Variants in PCDH15 observed in about 807,000 individuals in gnomAD.
PCDH15 encodes protocadherin-15.
In PCDH15, 129 loss-of-function variants were observed where a neutral mutation model predicts 178.5. The observed-to-expected ratio is 0.72, with a 90% CI of 0.63 to 0.84. PCDH15 has a LOEUF of 0.84. PCDH15 is among the 40% of genes least tolerant of loss of function. The pLI is 0.00. For synonymous variants in PCDH15, 800 were observed against 732.0 expected (o/e 1.09, Z -1.50); for missense variants, 2,230 against 2,099.9 (o/e 1.06, Z -1.21).
intron 1 of PCDH15, among the ~76,000 whole-genome samples, chr10:54,752,069 T>C (rs1327894358): frequency 6.6e-6 from 1 of 152,224 alleles, no homozygotes; most frequent in Non-Finnish European, 1.5e-5. Context: ...TTAAAGGATA[T>C]TTATAGTACT....
At chr10:55,450,141 T>G (rs1839401996) in intron 2 of PCDH15, among the ~76,000 whole-genome samples, 1 of 152,150 alleles carries the variant, frequency 6.6e-6, no homozygotes, top group South Asian at 2.1e-4. Flanking sequence ...AGGTAATGAC[T>G]TCTAATGTAA....
chr10:55,092,330 T>G (rs1463912679), intron 2 of PCDH15, among the ~76,000 whole-genome samples: 4 of 151,864 alleles, frequency 2.6e-5, no homozygotes, highest in African/African-American at 9.7e-5. Context: ...AGGTTCTATA[T>G]GAACTCTGTA....
At chr10:55,554,557 T>G (rs1270615918) in intron 2 of PCDH15, among the ~76,000 whole-genome samples, 1 of 152,010 alleles carries the variant, frequency 6.6e-6, no homozygotes, top group Non-Finnish European at 1.5e-5. Context: ...ATGAAGACAT[T>G]TTTTAATCAA....
rs576989168 is a variant in PCDH15 at position 54,779,455 on chromosome 10, T to C, written c.-29+21470A>G. Among the ~76,000 whole-genome samples the C allele has an allele frequency of 1.0e-3, 108 of 106,488 alleles. 2 individuals carry two copies. Among genetic ancestry groups the C allele is most frequent in the African/African-American group, 1.8e-3 (56 of 31,316 alleles). 69.9% of individuals were successfully genotyped at this position (106,488 alleles called of 152,430 possible). A position where few individuals can be genotyped will look rare whatever the true frequency, so the allele number is the denominator to read the frequency against. Reference sequence around the variant, plus strand: ...ATATGTGTATATATATATACACTCATATATGTGTGTATATATATACACACA... The same window carrying C: ...ATATGTGTATATATATATACACTCACATATGTGTGTATATATATACACACA... On this transcript the variant is annotated intron_variant, in intron 1 of 37. Coordinates refer to ENST00000644397, the MANE Select transcript of PCDH15 (RefSeq NM_001384140.1).
In PCDH15 at chr10:53,819,436, A is replaced by G. The variant is rs538479768; in HGVS notation, c.4433+729T>C. Among the ~76,000 whole-genome samples, 79 of 152,148 alleles carry G rather than the reference A, an allele frequency of 5.2e-4. 1 individual carries two copies. In the South Asian group the frequency reaches 0.016, roughly 30 times the overall value. On this transcript the variant is annotated intron_variant, in intron 33 of 37. Transcript: ENST00000644397. Reference sequence around the variant, plus strand: ...GCAGAAAGTTACTTGAAAGAGGTACATAACAGAACTACTACTTTACCTGTG... The same window carrying G: ...GCAGAAAGTTACTTGAAAGAGGTACGTAACAGAACTACTACTTTACCTGTG...
chr10:55,134,289 C>A (rs1002194850), intron 2 of PCDH15, among the ~76,000 whole-genome samples: 2 of 152,156 alleles, frequency 1.3e-5, no homozygotes, highest in Non-Finnish European at 2.9e-5. Flanking sequence ...TAGTTGCCTG[C>A]ACAGCTAATT....
intron 2 of PCDH15, among the ~76,000 whole-genome samples, chr10:54,620,196 A>G (rs968166979): frequency 1.3e-5 from 2 of 152,034 alleles, no homozygotes; most frequent in Middle Eastern, 3.2e-3. Context: ...CCCCAACTCA[A>G]TAACTTATTT....
chr10:54,280,956 C>A (rs1003547478), intron 8 of PCDH15, among the ~76,000 whole-genome samples: 1 of 151,732 alleles, frequency 6.6e-6, no homozygotes, highest in Non-Finnish European at 1.5e-5. Context: ...TTAAAAATAA[C>A]TTTGCTTAAA....
At chr10:55,242,090 C>T (rs1466197333) in intron 1 of PCDH15, among the ~76,000 whole-genome samples, 2 of 152,100 alleles carry the variant, frequency 1.3e-5, no homozygotes, top group Non-Finnish European at 2.9e-5. Context: ...ATAGACTGCA[C>T]GTGCACATGA....
At chr10:54,729,172 C>T (rs138391057) in intron 1 of PCDH15, among the ~76,000 whole-genome samples, 212 of 151,670 alleles carry the variant, frequency 1.4e-3, no homozygotes, top group African/African-American at 4.4e-3. Context: ...TTAAATTATA[C>T]GACAAGGCAA....
chr10:54,759,319 G>T (rs899088256), intron 1 of PCDH15, among the ~76,000 whole-genome samples: 87 of 152,136 alleles, frequency 5.7e-4, no homozygotes, highest in African/African-American at 1.9e-3. Context: ...TCCTAAATTT[G>T]CTGTGAACCC....
At chr10:54,133,696 T>A (rs1448693246) in intron 14 of PCDH15, among the ~76,000 whole-genome samples, 1 of 152,178 alleles carries the variant, frequency 6.6e-6, no homozygotes, top group Non-Finnish European at 1.5e-5. Context: ...ATAGTCAACT[T>A]CTTTGATATC....
upstream of PCDH15, among the ~76,000 whole-genome samples, chr10:55,323,098 G>A (rs185686378): frequency 2.2e-3 from 331 of 152,304 alleles, 1 homozygote; most frequent in Non-Finnish European, 2.9e-3. Context: ...TTCAAAGGGT[G>A]CAGTTTCCAA....
intron 21 of PCDH15, among the ~76,000 whole-genome samples, chr10:53,974,008 T>C (rs1386744900): frequency 6.8e-5 from 1 of 14,698 alleles, no homozygotes; most frequent in Non-Finnish European, 1.6e-4. Flanking sequence ...TATATTTGTT[T>C]ATTTGTTTAT....
chr10:54,541,735 T>A (rs11004358), intron 2 of PCDH15, among the ~76,000 whole-genome samples: 21,132 of 152,174 alleles, frequency 0.14, 1,750 homozygotes, highest in East Asian at 0.36. Flanking sequence ...CAGCTTTTAT[T>A]TCCATCTTGT....
chr10:55,188,606 G>C (rs543048587), intron 1 of PCDH15, among the ~76,000 whole-genome samples: 1 of 151,806 alleles, frequency 6.6e-6, no homozygotes, highest in Non-Finnish European at 1.5e-5. Context: ...ATTTTGCACA[G>C]CTCATCTAAA....
At chr10:54,168,565 C>A (rs1446215993) in intron 13 of PCDH15, among the ~76,000 whole-genome samples, 2 of 152,178 alleles carry the variant, frequency 1.3e-5, no homozygotes, top group African/African-American at 2.4e-5. Flanking sequence ...AGCCCTCCCC[C>A]ACCTGCCCAG....
At chr10:54,562,498 AT>A (rs1192534865) in intron 2 of PCDH15, among the ~76,000 whole-genome samples, 1 of 152,208 alleles carries the variant, frequency 6.6e-6, no homozygotes, top group Non-Finnish European at 1.5e-5. Context: ...CTCTCATGGC[AT>A]ACAAAGTCAT....
At chr10:54,785,101 G>A (rs1447116392) in intron 1 of PCDH15, among the ~76,000 whole-genome samples, 2 of 151,658 alleles carry the variant, frequency 1.3e-5, no homozygotes, top group Non-Finnish European at 2.9e-5. Flanking sequence ...AAGATACAGA[G>A]CAGGCAAAAC....
Sources: gnomAD v4.1 joint callset for allele counts (sites outside exome capture counted in the v4.1 genomes callset) on GRCh38, gnomAD v4.1.1 for gene constraint, MANE v1.5 for transcripts, NCBI Gene and HGNC (gene_info 2026-07-23, HGNC 2026-07-21) for gene names.